Variants in XKR4 observed in about 807,000 individuals in gnomAD.
XKR4 encodes XK-related protein 4.
A neutral mutation model predicts 53.9 loss-of-function variants in XKR4; 12 were observed. The observed-to-expected ratio is 0.22, with a 90% confidence interval of 0.14 to 0.36. The LOEUF (loss-of-function observed/expected upper bound fraction) is 0.36. Among genes scored for constraint, XKR4 ranks in the 10% least tolerant of loss-of-function variants. XKR4 has a pLI of 1.00. For missense variants in XKR4, 799 were observed against 859.5 expected, an observed-to-expected ratio of 0.93 and a Z score of 0.88; for synonymous variants, 354 against 362.4, an observed-to-expected ratio of 0.98 and a Z score of 0.26.
chr8:55,271,724 T>C (rs1818693252), intron 1 of XKR4, among the ~76,000 whole-genome samples: 2 of 152,232 alleles, frequency 1.3e-5, no homozygotes, highest in South Asian at 4.1e-4. Flanking sequence ...TATTTGGCTT[T>C]CTTTGGTTGG....
At chr8:55,511,683 T>A (rs980826423) in intron 2 of XKR4, among the ~76,000 whole-genome samples, 2 of 152,212 alleles carry the variant, frequency 1.3e-5, no homozygotes, top group Admixed American at 1.3e-4. Context: ...GTGGACTCTA[T>A]TGCATAGGCC....
At chr8:55,135,911 T>C (rs1049847811) in intron 1 of XKR4, among the ~76,000 whole-genome samples, 2 of 151,508 alleles carry the variant, frequency 1.3e-5, no homozygotes, top group African/African-American at 4.9e-5. Context: ...TTTTGTTTTT[T>C]TGAGACAGAG....
intron 1 of XKR4, among the ~76,000 whole-genome samples, chr8:55,127,751 C>T (rs1254426204): frequency 1.5e-5 from 2 of 133,048 alleles, no homozygotes; most frequent in Admixed American, 1.6e-4. Context: ...CCACAACAGT[C>T]CCCAGTGTGT....
chr8:55,361,292 A>T (rs572099078), intron 2 of XKR4, among the ~76,000 whole-genome samples: 2 of 151,674 alleles, frequency 1.3e-5, no homozygotes, highest in South Asian at 4.2e-4. Context: ...TGAGAGGGGG[A>T]GAGGAGGGCA....
chr8:55,234,875 C>T (rs1037386039), intron 1 of XKR4, among the ~76,000 whole-genome samples: 4 of 152,148 alleles, frequency 2.6e-5, no homozygotes, highest in African/African-American at 7.2e-5. Flanking sequence ...GCAGGGTGAC[C>T]GGGAACATGA....
chr8:55,140,388 C>T (rs1009743332), intron 1 of XKR4, among the ~76,000 whole-genome samples: 2 of 152,174 alleles, frequency 1.3e-5, no homozygotes, highest in Admixed American at 1.3e-4. Context: ...CCACATGTGA[C>T]AGAGAAACTT....
At chr8:55,413,235 C>CT (rs1423083040) in intron 2 of XKR4, among the ~76,000 whole-genome samples, 3 of 152,020 alleles carry the variant, frequency 2.0e-5, no homozygotes, top group African/African-American at 7.2e-5. Flanking sequence ...TTTTCTTTTT[C>CT]TTTTTTAAAT....
At chr8:55,216,733 A>G (rs995438250) in intron 1 of XKR4, among the ~76,000 whole-genome samples, 1 of 151,688 alleles carries the variant, frequency 6.6e-6, no homozygotes, top group African/African-American at 2.4e-5. Flanking sequence ...ATCTCAAAAA[A>G]AAAAAAAAAA....
At chr8:55,517,615 G>A (rs1163668005) in intron 2 of XKR4, 1 of 152,232 alleles carries the variant, frequency 6.6e-6, no homozygotes, top group Non-Finnish European at 1.5e-5. Flanking sequence ...TGTGGGAAGA[G>A]AATGCGGCTT....
chr8:55,453,356 A>T, intron 2 of XKR4: 1 of 465,736 alleles, frequency 2.1e-6, no homozygotes, highest in South Asian at 1.6e-5. Context: ...GTTCTGTTGC[A>T]CATGCAGGTA....
At chr8:55,433,976 G>A (rs183030146) in intron 2 of XKR4, among the ~76,000 whole-genome samples, 2 of 152,310 alleles carry the variant, frequency 1.3e-5, no homozygotes, top group Admixed American at 1.3e-4. Flanking sequence ...TGAGGTTGCA[G>A]TGAGCTGTGA....
chr8:55,209,492 A>G (rs929798350), intron 1 of XKR4, among the ~76,000 whole-genome samples: 5 of 152,138 alleles, frequency 3.3e-5, no homozygotes, highest in Non-Finnish European at 7.4e-5. Context: ...TTTTATTAAG[A>G]CACGTTTTTT....
intron 1 of XKR4, among the ~76,000 whole-genome samples, chr8:55,271,145 T>C (rs1452039427): frequency 6.6e-6 from 1 of 152,072 alleles, no homozygotes; most frequent in East Asian, 1.9e-4. Flanking sequence ...AACATTACAA[T>C]TATGTTTGCC....
intron 2 of XKR4, among the ~76,000 whole-genome samples, chr8:55,447,839 T>C (rs1317099940): frequency 6.6e-6 from 1 of 152,236 alleles, no homozygotes; most frequent in African/African-American, 2.4e-5. Context: ...AGTCTGAGAC[T>C]GGGGAATTTG....
chr8:55,388,425 G>A (rs1210658625), intron 2 of XKR4, among the ~76,000 whole-genome samples: 1 of 152,158 alleles, frequency 6.6e-6, no homozygotes, highest in African/African-American at 2.4e-5. Flanking sequence ...ACCATAGACT[G>A]GATAGCTTAT....
intron 2 of XKR4, among the ~76,000 whole-genome samples, chr8:55,443,859 GAAAAGAAAAA>G (rs1563351313): frequency 1.5e-4 from 20 of 131,434 alleles, no homozygotes; most frequent in Admixed American, 1.1e-3. Flanking sequence ...AAAAAAGAAA[GAAAAGAAAAA>G]AAAAGAAAAA....
intron 1 of XKR4, among the ~76,000 whole-genome samples, chr8:55,182,508 G>A (rs962746441): frequency 2.0e-5 from 3 of 152,108 alleles, no homozygotes; most frequent in African/African-American, 7.2e-5. Flanking sequence ...CAAGGTTTAT[G>A]TTTTTACATT....
At chr8:55,117,078 A>C (rs77825668) in intron 1 of XKR4, among the ~76,000 whole-genome samples, 1,837 of 152,302 alleles carry the variant, frequency 0.012, 41 homozygotes, top group African/African-American at 0.042. Flanking sequence ...GGTTAAATAA[A>C]AAATATATGA....
At chr8:55,371,363 G>C (rs193070961) in intron 2 of XKR4, among the ~76,000 whole-genome samples, 2 of 152,088 alleles carry the variant, frequency 1.3e-5, no homozygotes, top group Non-Finnish European at 2.9e-5. Context: ...TTGGCAGCAC[G>C]TAATTAGATT....
Sources: gnomAD v4.1 joint callset for allele counts (sites outside exome capture counted in the v4.1 genomes callset) on GRCh38, gnomAD v4.1.1 for gene constraint, MANE v1.5 for transcripts, NCBI Gene and HGNC (gene_info 2026-07-23, HGNC 2026-07-21) for gene names.